RNF24: variants seen among roughly 807,000 people sequenced by gnomAD.
RNF24 encodes the protein ring finger protein 24.
Under a neutral mutation model 20.0 loss-of-function variants are expected in RNF24, and 14 were observed. The ratio of observed to expected loss-of-function variants is 0.70; its 90% CI spans 0.46 to 1.10. The LOEUF (loss-of-function observed/expected upper bound fraction) is 1.10. Ranked by LOEUF, RNF24 falls within the 50% of genes least tolerant of loss-of-function variation. The probability of loss-of-function intolerance (pLI) is 0.00; values close to 1 mark genes in which losing one functional copy is unlikely to be tolerated. For synonymous variants in RNF24, 45 were observed against 61.1 expected (o/e 0.74, Z 1.23); for missense variants, 124 against 177.6 (o/e 0.70, Z 1.71).
intron 1 of RNF24, among the ~76,000 whole-genome samples, chr20:3,976,810 G>A (rs977811990): frequency 3.3e-5 from 5 of 152,164 alleles, no homozygotes; most frequent in African/African-American, 1.2e-4. Context: ...TTATCTTGAT[G>A]TACTGTAAGA....
At chr20:3,948,596 T>C (rs959873820) in intron 2 of RNF24, among the ~76,000 whole-genome samples, 7 of 152,120 alleles carry the variant, frequency 4.6e-5, no homozygotes, top group African/African-American at 1.4e-4. Context: ...CAATGAAGTA[T>C]AAAAACCTTA....
Position 3,930,559 on chromosome 20 carries a change from A to C in RNF24, c.*3504T>G, listed in dbSNP as rs2090808568. ...GGAAGAGACTGAGAGGCTAACCTGC[A>C]GAAGGGCCTAAGGCTAGTGAGTGAC... On this transcript the variant is annotated 3_prime_UTR_variant, in exon 6 of 6. Transcript: ENST00000358395. 6.6e-6 allele frequency: 1 copy of C among 152,282 alleles called. No homozygotes were observed. The highest frequency in any genetic ancestry group is 1.5e-5 in the Non-Finnish European group (1 of 68,086). 9.4% of individuals were successfully genotyped at this position (152,282 alleles called of 1,614,324 possible).
Position 3,930,190 on chromosome 20 carries a change from A to G in RNF24, c.*3873T>C, listed in dbSNP as rs903241065. 1 of 152,246 alleles carries G rather than the reference A, an allele frequency of 6.6e-6. No individual in the cohort carries two copies. The highest frequency in any genetic ancestry group is 2.1e-4 in the South Asian group (1 of 4,836). The allele number at this position is 152,246 out of a possible 1,614,324, so 9.4% of individuals were successfully genotyped here. ...AACTACTTTATGATTTGTGAACCACATGAATGGATTACCTATTCAAAACAT... is the reference window on the plus strand; with the variant it reads ...AACTACTTTATGATTTGTGAACCACGTGAATGGATTACCTATTCAAAACAT... On this transcript the variant is annotated 3_prime_UTR_variant, in exon 6 of 6. Transcript: ENST00000358395.
chr20:3,980,976 CA>C (rs1979332088), intron 1 of RNF24, among the ~76,000 whole-genome samples: 2 of 128,222 alleles, frequency 1.6e-5, no homozygotes, highest in African/African-American at 3.0e-5. Flanking sequence ...TTGGGGGGGG[CA>C]GGGGGAGGGG....
chr20:3,986,284 ACT>A (rs1380867762), intron 1 of RNF24, among the ~76,000 whole-genome samples: 6 of 145,248 alleles, frequency 4.1e-5, no homozygotes, highest in African/African-American at 1.3e-4. Flanking sequence ...CTCCCTCCTC[ACT>A]CTGTCGCTTG....
At chr20:3,964,063 G>T in intron 1 of RNF24, 39 bp from the exon 2 acceptor site, 2 of 1,592,304 alleles carry the variant, frequency 1.3e-6, no homozygotes, top group South Asian at 1.1e-5. Flanking sequence ...AATAGGTAAA[G>T]ACTAAGAACC....
chr20:3,976,418 T>A (rs557493378), intron 1 of RNF24, among the ~76,000 whole-genome samples: 1 of 152,334 alleles, frequency 6.6e-6, no homozygotes, highest in East Asian at 1.9e-4. Context: ...GCACTTTATC[T>A]TGTTGGTGGG....
intron 4 of RNF24, among the ~76,000 whole-genome samples, chr20:3,939,805 T>C (rs1472254716): frequency 6.6e-6 from 1 of 152,208 alleles, no homozygotes; most frequent in African/African-American, 2.4e-5. Context: ...AACTTACCAA[T>C]ATTACATTTT....
At position 3,934,023 on chromosome 20, in the gene RNF24, C is replaced by G. The variant is rs749282749; in HGVS notation, c.*40G>C. On this transcript the variant is annotated 3_prime_UTR_variant, in exon 6 of 6. Transcript: ENST00000358395. The surrounding 1 kb of genome is among the most constrained non-coding windows in gnomAD (Gnocchi z 4.0). ...CACATGTGTTCCTCCTGGCTCCACA[C>G]AGACGTCGTGTCCAGCAACAGTCTG... is the stretch of plus-strand genomic sequence containing the variant. 1.4e-6 allele frequency: 2 copies of G among 1,420,630 alleles called. No individual in the cohort carries two copies. Among genetic ancestry groups the G allele is most frequent in the South Asian group, 3.3e-5 (2 of 59,810 alleles). 88.0% of individuals were successfully genotyped at this position (1,420,630 alleles called of 1,614,324 possible). A position where few individuals can be genotyped will look rare whatever the true frequency, so the allele number is the denominator to read the frequency against.
Position 3,943,303 on chromosome 20 carries a change from T to G in RNF24, c.228+1874A>C, listed in dbSNP as rs866772082. On this transcript the variant is annotated intron_variant, in intron 4 of 5. Transcript: ENST00000358395. ...ATATAAATCAAAATCCCAGCAGGAT[T>G]TTTTTTTTTTTTTTGTGGATACAGA... 1.2e-3 allele frequency among the ~76,000 whole-genome samples: 174 copies of G among 148,346 alleles called. 2 individuals carry two copies. Among genetic ancestry groups the G allele is most frequent in the African/African-American group, 3.8e-3 (156 of 41,102 alleles).
intron 1 of RNF24, among the ~76,000 whole-genome samples, chr20:3,983,289 G>A (rs78588123): frequency 0.011 from 1,671 of 152,154 alleles, 38 homozygotes; most frequent in African/African-American, 0.039. Flanking sequence ...GATTTGTATA[G>A]CTTATTCATA....
chr20:4,002,651 T>C (rs943313881), intron 1 of RNF24, among the ~76,000 whole-genome samples: 1 of 152,202 alleles, frequency 6.6e-6, no homozygotes, highest in African/African-American at 2.4e-5. Context: ...CAGTTGATTA[T>C]TTAGAAACAG....
intron 1 of RNF24, among the ~76,000 whole-genome samples, chr20:3,978,186 T>G (rs1032161834): frequency 2.6e-5 from 4 of 151,638 alleles, no homozygotes; most frequent in Non-Finnish European, 4.4e-5. Context: ...TACAGGTGTG[T>G]GCCACCATAC....
rs117512441 is a variant in RNF24 at position 3,992,042 on chromosome 20, T to C, written c.-8+23395A>G. On this transcript the variant is annotated intron_variant, in intron 1 of 5. Coordinates refer to ENST00000358395, the MANE Select transcript of RNF24 (RefSeq NM_001134337.3). ...CTCCTTGAGCGCAGAATTACATTGA[T>C]TGTAATCCTCTAATACTACATTGAT... Among the ~76,000 whole-genome samples, 109 of 152,330 alleles carry C rather than the reference T, an allele frequency of 7.2e-4. No individual in the cohort carries two copies. The East Asian group carries it at 0.019, about 27-fold the overall frequency.
At chr20:3,958,322 A>T (rs1004652409) in intron 2 of RNF24, among the ~76,000 whole-genome samples, 2 of 152,150 alleles carry the variant, frequency 1.3e-5, no homozygotes, top group Non-Finnish European at 2.9e-5. Context: ...TTACAAAAAA[A>T]CCCAGCACTA....
chr20:3,964,925 T>C (rs924157158), intron 1 of RNF24, among the ~76,000 whole-genome samples: 3 of 152,096 alleles, frequency 2.0e-5, no homozygotes, highest in Non-Finnish European at 4.4e-5. Context: ...AACTCCAAAC[T>C]CAGCAGTCTC....
intron 1 of RNF24, chr20:3,974,190 C>A: frequency 1.3e-6 from 1 of 785,174 alleles, no homozygotes; most frequent in Non-Finnish European, 1.9e-6. Flanking sequence ...TTAAAAAACT[C>A]CCAGAAATAG....
chr20:4,003,790 G>A (rs576779401), intron 1 of RNF24, among the ~76,000 whole-genome samples: 2 of 151,726 alleles, frequency 1.3e-5, no homozygotes, highest in Non-Finnish European at 1.5e-5. Context: ...TTACAGGCAT[G>A]TGCCACCACA....
chr20:4,004,661 C>T (rs1037435635), intron 1 of RNF24, among the ~76,000 whole-genome samples: 2 of 152,182 alleles, frequency 1.3e-5, no homozygotes, highest in Non-Finnish European at 2.9e-5. Context: ...TGTGTGGAAT[C>T]ACCAAAACCT....
Sources: allele counts gnomAD v4.1 joint callset (sites outside exome capture counted in the v4.1 genomes callset), GRCh38; gene constraint gnomAD v4.1.1; non-coding constraint Gnocchi (gnomAD v3.1); transcripts MANE v1.5; gene names NCBI Gene and HGNC (gene_info 2026-07-23, HGNC 2026-07-21).